RPTOR: variants seen among roughly 807,000 people sequenced by gnomAD.
RPTOR encodes the protein regulatory associated protein of MTOR complex 1.
Under a neutral mutation model 169.9 loss-of-function variants are expected in RPTOR, and 21 were observed. That is an observed-to-expected ratio of 0.12 (90% CI 0.09 to 0.18). The LOEUF (loss-of-function observed/expected upper bound fraction) is 0.18. Ranked by LOEUF, RPTOR falls within the 10% of genes least tolerant of loss-of-function variation. The pLI is 1.00. For synonymous variants in RPTOR, 732 were observed against 753.2 expected (o/e 0.97, Z 0.46); for missense variants, 1,133 against 1,855.9 (o/e 0.61, Z 7.16).
intron 1 of RPTOR, among the ~76,000 whole-genome samples, chr17:80,621,496 G>A (rs1347525020): frequency 2.0e-5 from 3 of 152,198 alleles, no homozygotes; most frequent in Non-Finnish European, 4.4e-5. Context: ...CCCCAGCCCC[G>A]AGACGCAGAG....
At position 80,658,723 on chromosome 17, in the gene RPTOR, G is replaced by GT. The variant is rs1286344401; in HGVS notation, c.348+14920dup. 2.0e-5 allele frequency among the ~76,000 whole-genome samples: 3 copies of GT among 152,106 alleles called. No homozygotes were observed. The East Asian group carries it at 5.8e-4, about 29-fold the overall frequency. ...GTACATTTCTCATGTTCTGTTCCGAGTTTTTTTCTTGCTGTAGGTCACTGA... is the reference window on the plus strand; with the variant it reads ...GTACATTTCTCATGTTCTGTTCCGAGTTTTTTTTCTTGCTGTAGGTCACTGA... On this transcript the variant is annotated intron_variant, in intron 3 of 33. Coordinates refer to ENST00000306801, the MANE Select transcript of RPTOR (RefSeq NM_020761.3).
intron 6 of RPTOR, among the ~76,000 whole-genome samples, chr17:80,786,092 AAG>A (rs1315123440): frequency 6.6e-6 from 1 of 152,182 alleles, no homozygotes; most frequent in Admixed American, 6.5e-5. Context: ...CCAAGTCCTG[AAG>A]GTCATAGCAG....
At chr17:80,849,055 TA>T (rs2067764104) in intron 11 of RPTOR, among the ~76,000 whole-genome samples, 1 of 152,156 alleles carries the variant, frequency 6.6e-6, no homozygotes, top group Non-Finnish European at 1.5e-5. Context: ...AACACAAAAG[TA>T]GGGAAAGATG....
At chr17:80,640,821 T>C (rs1269677164) in intron 2 of RPTOR, among the ~76,000 whole-genome samples, 2 of 152,212 alleles carry the variant, frequency 1.3e-5, no homozygotes, top group Admixed American at 6.5e-5. Context: ...CCTCTGTCCG[T>C]GGTTCACTGG....
intron 3 of RPTOR, among the ~76,000 whole-genome samples, chr17:80,682,433 CT>C (rs1251731439): frequency 6.6e-6 from 1 of 152,128 alleles, no homozygotes; most frequent in Admixed American, 6.5e-5. Flanking sequence ...GAGAGCTTAT[CT>C]TGGATTATTT....
intron 15 of RPTOR, 63 bp from the exon 16 acceptor site, chr17:80,883,718 T>C: frequency 1.3e-6 from 2 of 1,551,094 alleles, no homozygotes; most frequent in Admixed American, 1.7e-5. Context: ...CCCGTGCAGG[T>C]ACCCACCACG....
chr17:80,676,116 T>G (rs545646489), intron 3 of RPTOR, among the ~76,000 whole-genome samples: 1 of 151,928 alleles, frequency 6.6e-6, no homozygotes, highest in African/African-American at 2.4e-5. Context: ...TTACTAAGAA[T>G]TGAAGGTAAT....
In RPTOR at chr17:80,659,363, G is replaced by A. The variant is rs186653271; in HGVS notation, c.348+15553G>A. 2.3e-4 allele frequency among the ~76,000 whole-genome samples: 35 copies of A among 152,180 alleles called. 1 individual carries two copies. The highest frequency in any genetic ancestry group is 3.4e-3 in the Middle Eastern group (1 of 294). On this transcript the variant is annotated intron_variant, in intron 3 of 33. Coordinates refer to ENST00000306801, the MANE Select transcript of RPTOR (RefSeq NM_020761.3). The surrounding 1 kb of genome is among the most constrained non-coding windows in gnomAD (Gnocchi z 4.3). ...TTTTTTTCTTTTGAAACAGGCTCTC[G>A]CTCTGTCACCCAGGCTGGGGTGCAG...
chr17:80,798,786 A>G (rs928860567), intron 7 of RPTOR, among the ~76,000 whole-genome samples: 1 of 152,226 alleles, frequency 6.6e-6, no homozygotes, highest in African/African-American at 2.4e-5. Flanking sequence ...TTAAAAATAT[A>G]TAAATTTTTG....
At chr17:80,612,241 C>T (rs2065276776) in intron 1 of RPTOR, among the ~76,000 whole-genome samples, 1 of 152,190 alleles carries the variant, frequency 6.6e-6, no homozygotes, top group Admixed American at 6.5e-5. Context: ...GTGATCTTCA[C>T]ACCTTACCCT....
intron 20 of RPTOR, among the ~76,000 whole-genome samples, chr17:80,905,058 G>GC (rs937983291): frequency 2.6e-5 from 4 of 152,182 alleles, no homozygotes; most frequent in African/African-American, 9.7e-5. Flanking sequence ...GCTCAGTCCT[G>GC]CTAGGAAAGG....
rs1054357318 is a variant in RPTOR, at chr17:80,586,126, A to T, written c.163-39565A>T. ...ATGTTGCGAGTCTGTGAGGGCATCA[A>T]TCCCCCGTTTCTGGCATAGATTTAA... is the stretch of plus-strand genomic sequence containing the variant. On this transcript the variant is annotated intron_variant, in intron 1 of 33. Transcript: ENST00000306801. Among the ~76,000 whole-genome samples the T allele has an allele frequency of 4.6e-5, 7 of 152,086 alleles. No homozygotes were observed. In the East Asian group the frequency reaches 1.2e-3, roughly 25 times the overall value.
chr17:80,612,285 A>G (rs1354859385), intron 1 of RPTOR, among the ~76,000 whole-genome samples: 1 of 152,140 alleles, frequency 6.6e-6, no homozygotes, highest in East Asian at 1.9e-4. Flanking sequence ...GTGCACCACT[A>G]TGCCTGGCTA....
chr17:80,693,900 G>A (rs2066013905), intron 3 of RPTOR, among the ~76,000 whole-genome samples: 1 of 152,310 alleles, frequency 6.6e-6, no homozygotes, highest in Non-Finnish European at 1.5e-5. Context: ...TGGAGAGCCC[G>A]GCATGGTCCG....
Position 80,660,677 on chromosome 17 carries a change from T to A in RPTOR, c.348+16867T>A, listed in dbSNP as rs528714479. On this transcript the variant is annotated intron_variant, in intron 3 of 33. Coordinates refer to ENST00000306801, the MANE Select transcript of RPTOR (RefSeq NM_020761.3). ...GCAAGGGACTAACAAGGGCCATGCA[T>A]GCCTGGCAACACAGGCGGTCCCATC... Among the ~76,000 whole-genome samples the A allele has an allele frequency of 5.2e-4, 79 of 152,300 alleles. 3 individuals are homozygous for A. The South Asian group carries it at 0.016, about 30-fold the overall frequency.
At chr17:80,748,437 G>A (rs1206944662) in intron 5 of RPTOR, among the ~76,000 whole-genome samples, 18 of 23,982 alleles carry the variant, frequency 7.5e-4, no homozygotes, top group South Asian at 2.5e-3. Context: ...TGGCGGGAGG[G>A]CCTGTTGGGT....
At chr17:80,594,705 G>A (rs1375355203) in intron 1 of RPTOR, among the ~76,000 whole-genome samples, 1 of 152,200 alleles carries the variant, frequency 6.6e-6, no homozygotes, top group Non-Finnish European at 1.5e-5. Context: ...AAAATGGAAT[G>A]TTTTAATTAA....
chr17:80,667,819 A>T (rs1377462621), intron 3 of RPTOR, among the ~76,000 whole-genome samples: 1 of 152,164 alleles, frequency 6.6e-6, no homozygotes, highest in East Asian at 1.9e-4. Flanking sequence ...TGTAATTGTG[A>T]TTGTGATAAT....
chr17:80,760,806 GA>G (rs2066729938), intron 6 of RPTOR, among the ~76,000 whole-genome samples: 1 of 147,590 alleles, frequency 6.8e-6, no homozygotes, highest in African/African-American at 2.5e-5. Flanking sequence ...ATGTAAATAA[GA>G]GAAACGGTTT....
Sources: allele counts gnomAD v4.1 joint callset (sites outside exome capture counted in the v4.1 genomes callset), GRCh38; gene constraint gnomAD v4.1.1; non-coding constraint Gnocchi (gnomAD v3.1); transcripts MANE v1.5; gene names NCBI Gene and HGNC (gene_info 2026-07-23, HGNC 2026-07-21).